Variants in BOK observed in about 807,000 individuals in gnomAD.
BOK encodes bcl-2-related ovarian killer protein.
Under a neutral mutation model 18.3 loss-of-function variants are expected in BOK, and 20 were observed. The observed-to-expected ratio is 1.09, with a 90% CI of 0.77 to 1.59. BOK has a LOEUF of 1.59. BOK is among the 40% of genes most tolerant of loss of function. The pLI, the probability that BOK is intolerant of heterozygous loss-of-function variation, is 0.00. For missense variants in BOK, 348 were observed against 307.9 expected (o/e 1.13, Z -0.97); for synonymous variants, 173 against 142.4 (o/e 1.21, Z -1.53).
At position 241,562,306 on chromosome 2, in the gene BOK, T is replaced by G; in HGVS notation, c.221-42T>G. On this transcript the variant is annotated intron_variant, in intron 2 of 4. Coordinates refer to ENST00000318407, the MANE Select transcript of BOK (RefSeq NM_032515.5). This position sits in a 1 kb window ranked among gnomAD's most constrained non-coding sequence, Gnocchi z 4.5. ...CCAAGCCAGTCGTGTCCCAGGAAGC[T>G]GGGACGTGGGCTGCCTCTCACCTGC... The G allele has an allele frequency of 3.2e-6, 5 of 1,550,846 alleles. No homozygotes were observed. Among genetic ancestry groups the G allele is most frequent in the Non-Finnish European group, 4.4e-6 (5 of 1,148,256 alleles).
In BOK at chr2:241,559,487, GA is replaced by G; in HGVS notation, c.5del (p.Glu2GlyfsTer78). M[E>X]VLRRSSVFAA... ...GCCCCCCACCCGCGTCGCCGCCATG[GA>G]GGTGCTGCGGCGCTCCTCGGTCTTC... On this transcript the variant is annotated frameshift_variant, in exon 2 of 5. Transcript: ENST00000318407. LOFTEE classifies it high-confidence loss of function. The G allele has an allele frequency of 1.4e-6, 2 of 1,471,192 alleles. No homozygotes were observed. Among genetic ancestry groups the G allele is most frequent in the Admixed American group, 2.4e-5 (1 of 41,892 alleles). 91.1% of individuals were successfully genotyped at this position (1,471,192 alleles called of 1,614,324 possible). A position where few individuals can be genotyped will look rare whatever the true frequency, so the allele number is the denominator to read the frequency against.
intron 3 of BOK, among the ~76,000 whole-genome samples, chr2:241,566,064 C>G (rs900092847): frequency 6.6e-6 from 1 of 151,976 alleles, no homozygotes; most frequent in African/African-American, 2.4e-5. Flanking sequence ...GTGGGTGGAT[C>G]ACCTGAGGTC....
chr2:241,567,923 G>A (rs962807289), intron 3 of BOK, among the ~76,000 whole-genome samples: 2 of 151,874 alleles, frequency 1.3e-5, no homozygotes, highest in Admixed American at 6.6e-5. Flanking sequence ...GCCTGTGCCC[G>A]TGGCCGCCAC....
At chr2:241,553,167 T>G (rs1210967234) in intron 1 of BOK, among the ~76,000 whole-genome samples, 1 of 151,442 alleles carries the variant, frequency 6.6e-6, no homozygotes, top group Non-Finnish European at 1.5e-5. Context: ...TTATTTATTC[T>G]GAGATGGAGT....
Position 241,571,427 on chromosome 2 carries a change from C to T in BOK, c.514-870C>T, listed in dbSNP as rs147148301. 7.9e-3 allele frequency among the ~76,000 whole-genome samples: 1,194 copies of T among 151,616 alleles called. 26 individuals carry two copies. Among genetic ancestry groups the T allele is most frequent in the African/African-American group, 0.027 (1,139 of 41,468 alleles). ...GTAAATCAGCGGCCAGGGGTGACAGCGCTCAGACCCCTCTGCTGGGGCCTT... is the reference window on the plus strand; with the variant it reads ...GTAAATCAGCGGCCAGGGGTGACAGTGCTCAGACCCCTCTGCTGGGGCCTT... On this transcript the variant is annotated intron_variant, in intron 4 of 4. Coordinates refer to ENST00000318407, the MANE Select transcript of BOK (RefSeq NM_032515.5).
At chr2:241,559,222 C>G (rs1340836751) in intron 1 of BOK, among the ~76,000 whole-genome samples, 1 of 151,662 alleles carries the variant, frequency 6.6e-6, no homozygotes. Flanking sequence ...CCGGAGCAAA[C>G]CGCCGTCTCC....
At chr2:241,569,900 C>T (rs532976190) in intron 3 of BOK, among the ~76,000 whole-genome samples, 1 of 152,332 alleles carries the variant, frequency 6.6e-6, no homozygotes, top group Non-Finnish European at 1.5e-5. Flanking sequence ...CTGCGGCCTC[C>T]TGCACAGACG....
intron 1 of BOK, among the ~76,000 whole-genome samples, chr2:241,552,835 A>G (rs1002791024): frequency 7.2e-5 from 11 of 152,332 alleles, no homozygotes; most frequent in African/African-American, 2.6e-4. Context: ...CTTTGTGGGC[A>G]GGTACTGCCC....
At chr2:241,566,138 G>A (rs1032330324) in intron 3 of BOK, among the ~76,000 whole-genome samples, 2 of 148,774 alleles carry the variant, frequency 1.3e-5, no homozygotes, top group Admixed American at 6.7e-5. Flanking sequence ...TACAAAATTG[G>A]CCAGGTTTGG....
At position 241,562,529 on chromosome 2, in the gene BOK, T is replaced by C. The variant is rs573449325; in HGVS notation, c.349+53T>C. On this transcript the variant is annotated intron_variant, in intron 3 of 4. Coordinates refer to ENST00000318407, the MANE Select transcript of BOK (RefSeq NM_032515.5). The surrounding 1 kb of genome is among the most constrained non-coding windows in gnomAD (Gnocchi z 4.5). Reference sequence around the variant, plus strand: ...ACCTCAGGGAGGGATCCAGGGTCTGTGGCTCAGGCTCACAGGGACCCCACG... The same window carrying C: ...ACCTCAGGGAGGGATCCAGGGTCTGCGGCTCAGGCTCACAGGGACCCCACG... 2.3e-4 allele frequency: 351 copies of C among 1,555,398 alleles called. 1 individual carries two copies. Among genetic ancestry groups the C allele is most frequent in the Non-Finnish European group, 2.9e-4 (335 of 1,154,054 alleles).
chr2:241,560,006 G>T (rs927266363), intron 2 of BOK: 1 of 915,130 alleles, frequency 1.1e-6, no homozygotes, highest in Non-Finnish European at 1.3e-6. Flanking sequence ...AGTGACCCTT[G>T]TTCTCAGCTG....
rs115101794 is a variant in BOK, at chr2:241,552,741, G to A, written n.54+1264G>A. On this transcript the variant is annotated intron_variant and non_coding_transcript_variant, in intron 1 of 1. Coordinates refer to the BOK transcript ENST00000641230. ...GCTCTTCCTCAACGGCAAGCAGCAA[G>A]CCCAGCTTATAAAGGACAAGCGGTT... 7.2e-3 allele frequency among the ~76,000 whole-genome samples: 1,102 copies of A among 152,314 alleles called. 11 individuals carry two copies. Among genetic ancestry groups the A allele is most frequent in the African/African-American group, 0.024 (1,014 of 41,564 alleles).
rs2066475910 is a variant in BOK, at chr2:241,558,760, A to C, written c.-263A>C. 1 of 152,242 alleles carries C rather than the reference A, an allele frequency of 6.6e-6. No individual in the cohort carries two copies. Among genetic ancestry groups the C allele is most frequent in the South Asian group, 2.1e-4 (1 of 4,836 alleles). 9.4% of individuals were successfully genotyped at this position (152,242 alleles called of 1,614,324 possible). A position where few individuals can be genotyped will look rare whatever the true frequency, so the allele number is the denominator to read the frequency against. ...CAAGCCCAGCCTCTCGCCAGCTGGG[A>C]GTCGCGCGCTGCCCACCTCGCTGCC... On this transcript the variant is annotated 5_prime_UTR_variant, in exon 1 of 5. Coordinates refer to ENST00000318407, the MANE Select transcript of BOK (RefSeq NM_032515.5).
rs1032468454 is a variant in BOK, at chr2:241,561,423, G to A, written c.221-925G>A. ...CAGGTGGGAGCGTGGCAGTGAGGGTGGCCCAGGACAGCGGCCCAGCCAGCC... is the reference window on the plus strand; with the variant it reads ...CAGGTGGGAGCGTGGCAGTGAGGGTAGCCCAGGACAGCGGCCCAGCCAGCC... On this transcript the variant is annotated intron_variant, in intron 2 of 4. Transcript: ENST00000318407. Among the ~76,000 whole-genome samples, 153 of 151,738 alleles carry A rather than the reference G, an allele frequency of 1.0e-3. 2 individuals carry two copies. Among genetic ancestry groups the A allele is most frequent in the Non-Finnish European group, 1.8e-4 (12 of 67,902 alleles).
At chr2:241,572,149 G>C in intron 4 of BOK, 148 bp from the exon 5 acceptor site, 2 of 1,304,012 alleles carry the variant, frequency 1.5e-6, no homozygotes, top group South Asian at 2.9e-5. Flanking sequence ...CTTCAGTCCA[G>C]GCCACAGACC....
chr2:241,565,606 G>A (rs975213787), intron 3 of BOK, among the ~76,000 whole-genome samples: 3 of 152,304 alleles, frequency 2.0e-5, no homozygotes, highest in African/African-American at 7.2e-5. Flanking sequence ...CTTAGCAGGC[G>A]CCCTTGAGGG....
At chr2:241,565,775 G>A (rs997438002) in intron 3 of BOK, among the ~76,000 whole-genome samples, 1 of 152,224 alleles carries the variant, frequency 6.6e-6, no homozygotes, top group African/African-American at 2.4e-5. Context: ...CGAAGGCAGA[G>A]GCCAACAAAT....
At position 241,573,402 on chromosome 2, in the gene BOK, T is replaced by G. The variant is rs546847828; in HGVS notation, c.*980T>G. The G allele has an allele frequency of 6.6e-6, 1 of 152,456 alleles. No individual in the cohort carries two copies. Among genetic ancestry groups the G allele is most frequent in the South Asian group, 2.1e-4 (1 of 4,830 alleles). The allele number at this position is 152,456 out of a possible 1,614,324, so 9.4% of individuals were successfully genotyped here. On this transcript the variant is annotated 3_prime_UTR_variant, in exon 5 of 5. Transcript: ENST00000318407. ...TCCCATCCCAGGAAGAAGGGCCATC[T>G]CAGGACATGAGTCCTCAGGGGCCCT...
chr2:241,564,741 C>T (rs1057262488), intron 3 of BOK, among the ~76,000 whole-genome samples: 9 of 152,158 alleles, frequency 5.9e-5, no homozygotes, highest in East Asian at 1.9e-4. Flanking sequence ...CCTGGGCTGA[C>T]GACCACTCTC....
Sources: allele counts gnomAD v4.1 joint callset (sites outside exome capture counted in the v4.1 genomes callset), GRCh38; gene constraint gnomAD v4.1.1; non-coding constraint Gnocchi (gnomAD v3.1); transcripts MANE v1.5; gene names NCBI Gene and HGNC (gene_info 2026-07-23, HGNC 2026-07-21).